The following FCER1A variants were observed in gnomAD, a reference collection of about 807,000 sequenced individuals.
FCER1A encodes Fc epsilon receptor Ia.
In FCER1A, 24 loss-of-function variants were observed where a neutral mutation model predicts 23.6. The ratio of observed to expected loss-of-function variants is 1.02; its 90% CI spans 0.74 to 1.43. The LOEUF (loss-of-function observed/expected upper bound fraction) is 1.43. Ranked by LOEUF, FCER1A falls within the 40% of genes most tolerant of loss-of-function variation. FCER1A has a pLI of 0.00. For synonymous variants in FCER1A, 121 were observed against 108.8 expected, an observed-to-expected ratio of 1.11 and a Z score of -0.70; for missense variants, 318 against 294.5, an observed-to-expected ratio of 1.08 and a Z score of -0.58.
At chr1:159,300,060 G>T (rs1652392513), upstream of FCER1A, among the ~76,000 whole-genome samples, 8 of 152,142 alleles carry the variant, frequency 5.3e-5, no homozygotes, top group South Asian at 1.7e-3. Context: ...CTACATTTTT[G>T]CTGTTACTGC....
chr1:159,301,084 T>G (rs560557029), upstream of FCER1A, among the ~76,000 whole-genome samples: 1 of 152,338 alleles, frequency 6.6e-6, no homozygotes, highest in African/African-American at 2.4e-5. Context: ...GGTTAGATCT[T>G]CATGTGGAAT....
At chr1:159,292,686 A>G (rs544220215) in intron 1 of FCER1A, among the ~76,000 whole-genome samples, 106 of 152,214 alleles carry the variant, frequency 7.0e-4, no homozygotes, top group African/African-American at 2.3e-3. Flanking sequence ...ATACATATAC[A>G]TGTCTATGGT....
chr1:159,302,930 C>T (rs1477668372), intron 2 of FCER1A, 56 bp downstream of exon 2: 3 of 1,522,102 alleles, frequency 2.0e-6, no homozygotes, highest in African/African-American at 1.4e-5. Flanking sequence ...CATTGCTTTC[C>T]TCTCACTATT....
intron 1 of FCER1A, among the ~76,000 whole-genome samples, chr1:159,293,168 CTGTGTGTGTG>C (rs10632832): frequency 4.1e-5 from 6 of 145,814 alleles, no homozygotes; most frequent in African/African-American, 7.6e-5. Context: ...TACATACACA[CTGTGTGTGTG>C]TGTGTGTGTG....
chr1:159,307,660 T>C (rs1435659383), intron 4 of FCER1A, 88 bp from the exon 5 acceptor site: 1 of 977,998 alleles, frequency 1.0e-6, no homozygotes, highest in East Asian at 2.4e-5. Context: ...AAGCTTGGTC[T>C]TTCTCTTAGG....
chr1:159,295,592 G>A (rs931658853), intron 1 of FCER1A, among the ~76,000 whole-genome samples: 4 of 151,976 alleles, frequency 2.6e-5, no homozygotes, highest in South Asian at 2.1e-4. Context: ...TCTAATATTC[G>A]GTCTAATAGT....
In FCER1A at chr1:159,302,973, G is replaced by C. The variant is rs147014787; in HGVS notation, c.76+99G>C. On this transcript the variant is annotated intron_variant, in intron 2 of 4. Transcript: ENST00000693622. ...TCCCATCACTTCTGCTTTCTAATGA[G>C]CATGAATCTGTTCCTTGGCCAGACT... is the stretch of plus-strand genomic sequence containing the variant. 3.2e-4 allele frequency: 380 copies of C among 1,174,038 alleles called. 1 individual carries two copies. The African/African-American group carries it at 5.1e-3, about 16-fold the overall frequency. 72.7% of individuals were successfully genotyped at this position (1,174,038 alleles called of 1,614,324 possible).
In FCER1A at chr1:159,308,018, T is replaced by C. The variant is rs1197604421; in HGVS notation, c.*86T>C. On this transcript the variant is annotated 3_prime_UTR_variant, in exon 5 of 5. Coordinates refer to ENST00000693622, the MANE Select transcript of FCER1A (RefSeq NM_001387280.1). Reference sequence around the variant, plus strand: ...CAATTGTCAAACACAGCTTGCAATATACATAGAAACGTCTGTGCTCAAGGA... The same window carrying C: ...CAATTGTCAAACACAGCTTGCAATACACATAGAAACGTCTGTGCTCAAGGA... 2.1e-6 allele frequency: 2 copies of C among 950,154 alleles called. No homozygotes were observed. Among genetic ancestry groups the C allele is most frequent in the East Asian group, 2.6e-5 (1 of 38,356 alleles). 58.9% of individuals were successfully genotyped at this position (950,154 alleles called of 1,614,324 possible).
At chr1:159,285,970 A>C (rs994093645), upstream of FCER1A, among the ~76,000 whole-genome samples, 1 of 152,134 alleles carries the variant, frequency 6.6e-6, no homozygotes, top group African/African-American at 2.4e-5. Flanking sequence ...GGATCACTTG[A>C]GATCAGGAGT....
rs1652523730 is a variant in FCER1A at position 159,304,054 on chromosome 1, G to A, written c.203G>A (p.Gly68Asp). Reference sequence around the variant, plus strand: ...AGTTCCACCAAATGGTTCCACAATGGCAGCCTTTCAGAAGAGACAAATTCA... The same window carrying A: ...AGTTCCACCAAATGGTTCCACAATGACAGCCTTTCAGAAGAGACAAATTCA... ...EVSSTKWFHN[G>D]SLSEETNSSL... The change falls in exon 3 of 5, where the codon GGC becomes GAC. Residue 68 changes from glycine to aspartate, a missense_variant. Transcript: ENST00000693622. The A allele has an allele frequency of 1.2e-6, 2 of 1,614,108 alleles. No individual in the cohort carries two copies. Among genetic ancestry groups the A allele is most frequent in the Non-Finnish European group, 1.7e-6 (2 of 1,179,998 alleles).
At chr1:159,298,686 G>A (rs1186306309), upstream of FCER1A, among the ~76,000 whole-genome samples, 1 of 152,154 alleles carries the variant, frequency 6.6e-6, no homozygotes, top group Non-Finnish European at 1.5e-5. Context: ...GAGGAAAAAG[G>A]AAAGAATCCC....
intron 3 of FCER1A, among the ~76,000 whole-genome samples, chr1:159,304,478 G>A (rs1652539910): frequency 2.0e-5 from 3 of 152,046 alleles, no homozygotes; most frequent in South Asian, 4.2e-4. Flanking sequence ...GTAGTGGTGG[G>A]CACCTGTAGT....
upstream of FCER1A, among the ~76,000 whole-genome samples, chr1:159,288,656 C>T (rs1214883865): frequency 6.6e-6 from 1 of 152,186 alleles, no homozygotes. Context: ...CATCCACTAA[C>T]TCTATCTCAT....
the FCER1A span, among the ~76,000 whole-genome samples, chr1:159,283,579 A>G: frequency 6.6e-6 from 1 of 152,200 alleles, no homozygotes; most frequent in Admixed American, 6.5e-5. Flanking sequence ...AAAGGCATGA[A>G]AGGACTGAGT....
At chr1:159,298,010 A>G (rs1480404398), upstream of FCER1A, among the ~76,000 whole-genome samples, 1 of 152,200 alleles carries the variant, frequency 6.6e-6, no homozygotes, top group African/African-American at 2.4e-5. Flanking sequence ...TATCTGTTGG[A>G]AGACATGAAG....
At chr1:159,299,425 C>A (rs1283925226), upstream of FCER1A, among the ~76,000 whole-genome samples, 1 of 152,194 alleles carries the variant, frequency 6.6e-6, no homozygotes, top group Non-Finnish European at 1.5e-5. Context: ...TCCCGAAACA[C>A]AAAAGTTCCT....
At chr1:159,283,834 G>T in the FCER1A span, among the ~76,000 whole-genome samples, 8 of 152,110 alleles carry the variant, frequency 5.3e-5, no homozygotes, top group African/African-American at 1.7e-4. Context: ...AAGGAGAAGA[G>T]AATCCCTCTG....
At chr1:159,302,807 T>G in intron 1 of FCER1A, 47 bp from the exon 2 acceptor site, 1 of 1,592,384 alleles carries the variant, frequency 6.3e-7, no homozygotes, top group Non-Finnish European at 8.6e-7. Flanking sequence ...CCTCTGGAGA[T>G]AAAGAAGACT....
At chr1:159,293,628 G>A (rs1381045230) in intron 1 of FCER1A, among the ~76,000 whole-genome samples, 1 of 142,208 alleles carries the variant, frequency 7.0e-6, no homozygotes, top group Admixed American at 7.8e-5. Context: ...CCATCTATGA[G>A]TGAGAATATG....
Sources: allele counts gnomAD v4.1 joint callset (sites outside exome capture counted in the v4.1 genomes callset), GRCh38; gene constraint gnomAD v4.1.1; transcripts MANE v1.5; gene names NCBI Gene and HGNC (gene_info 2026-07-23, HGNC 2026-07-21).